Variants in DAB1 observed in about 807,000 individuals in gnomAD.
DAB1 encodes disabled homolog 1.
In DAB1, 15 loss-of-function variants were observed where a neutral mutation model predicts 64.6. The observed-to-expected ratio is 0.23, with a 90% confidence interval of 0.16 to 0.36. The LOEUF (loss-of-function observed/expected upper bound fraction) is 0.36, where lower values mean the gene tolerates loss of function less well. Ranked by LOEUF, DAB1 falls within the 10% of genes least tolerant of loss-of-function variation. DAB1 has a pLI of 1.00. For missense variants in DAB1, 596 were observed against 706.7 expected (o/e 0.84, Z 1.78); for synonymous variants, 235 against 251.9 (o/e 0.93, Z 0.64).
intron 6 of DAB1, among the ~76,000 whole-genome samples, chr1:57,817,103 G>A (rs1651889751): frequency 7.7e-6 from 1 of 130,088 alleles, no homozygotes; most frequent in South Asian, 2.4e-4. Context: ...CTTAACTTGT[G>A]GGGAAGACTG....
Position 57,835,680 on chromosome 1 carries a change from G to A in DAB1, n.88-9225C>T, listed in dbSNP as rs987094347. 1.2e-4 allele frequency among the ~76,000 whole-genome samples: 18 copies of A among 152,170 alleles called. 1 individual carries two copies. Among genetic ancestry groups the A allele is most frequent in the Admixed American group, 1.1e-3 (17 of 15,284 alleles). ...TACAGCCTGTGCAAACAAGGGAGAC[G>A]GTGCAGTGATAGATTGTGCCTAAGA... On this transcript the variant is annotated intron_variant and non_coding_transcript_variant, in intron 1 of 1. Coordinates refer to the DAB1 transcript ENST00000477280.
chr1:57,458,115 C>G (rs993684168), intron 7 of DAB1, among the ~76,000 whole-genome samples: 1 of 152,068 alleles, frequency 6.6e-6, no homozygotes, highest in Admixed American at 6.6e-5. Context: ...TCCAGTAATA[C>G]ATTTCATATG....
intron 6 of DAB1, among the ~76,000 whole-genome samples, chr1:57,665,524 C>T (rs1646435918): frequency 6.6e-6 from 1 of 152,050 alleles, no homozygotes; most frequent in Admixed American, 6.5e-5. Flanking sequence ...AGAGCAATCT[C>T]TAAATACAGA....
intron 7 of DAB1, among the ~76,000 whole-genome samples, chr1:57,459,928 T>C (rs927564909): frequency 6.6e-6 from 1 of 152,212 alleles, no homozygotes; most frequent in Non-Finnish European, 1.5e-5. Flanking sequence ...TCTCACTGTG[T>C]TGCTTAATAT....
At chr1:57,446,311 T>A (rs1408478607) in intron 7 of DAB1, among the ~76,000 whole-genome samples, 1 of 152,118 alleles carries the variant, frequency 6.6e-6, no homozygotes, top group African/African-American at 2.4e-5. Flanking sequence ...TATGACTAAA[T>A]TTTAGGCCAG....
chr1:57,969,691 C>T (rs902062915), intron 5 of DAB1, among the ~76,000 whole-genome samples: 6 of 152,158 alleles, frequency 3.9e-5, no homozygotes, highest in African/African-American at 1.2e-4. Context: ...TTGTAAGGTA[C>T]TTGAAACTAT....
At chr1:57,960,193 C>G (rs1378390166) in intron 5 of DAB1, among the ~76,000 whole-genome samples, 1 of 152,184 alleles carries the variant, frequency 6.6e-6, no homozygotes, top group African/African-American at 2.4e-5. Flanking sequence ...ACTGGAAAGG[C>G]AGTGGCCACG....
intron 4 of DAB1, among the ~76,000 whole-genome samples, chr1:57,116,895 G>A (rs980914631): frequency 4.6e-5 from 7 of 152,122 alleles, no homozygotes; most frequent in African/African-American, 1.7e-4. Flanking sequence ...TTATATCCTG[G>A]CATATATCTT....
intron 7 of DAB1, among the ~76,000 whole-genome samples, chr1:57,455,619 G>A (rs1686558606): frequency 6.6e-6 from 1 of 152,114 alleles, no homozygotes; most frequent in African/African-American, 2.4e-5. Context: ...GGCAAGAAAT[G>A]AAGACGTAAA....
chr1:57,295,632 C>T (rs1392037151), intron 1 of DAB1, among the ~76,000 whole-genome samples: 1 of 152,090 alleles, frequency 6.6e-6, no homozygotes, highest in Non-Finnish European at 1.5e-5. Flanking sequence ...CAATCTATAG[C>T]ATGCTACCTT....
intron 3 of DAB1, among the ~76,000 whole-genome samples, chr1:58,379,121 T>G (rs1644364230): frequency 6.6e-6 from 1 of 151,762 alleles, no homozygotes; most frequent in Non-Finnish European, 1.5e-5. Flanking sequence ...CAGATGGAAA[T>G]GCAGAAATCA....
At position 57,207,446 on chromosome 1, in the gene DAB1, C is replaced by CTTTTT. The variant is rs772989513; in HGVS notation, c.68-62022_68-62018dup. Among the ~76,000 whole-genome samples, 9 of 98,458 alleles carry CTTTTT rather than the reference C, an allele frequency of 9.1e-5. 1 individual carries two copies. Among genetic ancestry groups the CTTTTT allele is most frequent in the Non-Finnish European group, 1.1e-4 (5 of 46,430 alleles). The allele number at this position is 98,458 out of a possible 152,430, so 64.6% of individuals were successfully genotyped here. A position where few individuals can be genotyped will look rare whatever the true frequency, so the allele number is the denominator to read the frequency against. On this transcript the variant is annotated intron_variant, in intron 2 of 14. Transcript: ENST00000371236. ...CTGTAATTCATACCTTATTTCCTTT[C>CTTTTT]TTTTTTTTTTTTTTTGAGATGGAGT... is the stretch of plus-strand genomic sequence containing the variant.
intron 7 of DAB1, among the ~76,000 whole-genome samples, chr1:57,431,143 C>CACACAAA (rs749097562): frequency 1.4e-3 from 138 of 96,424 alleles, no homozygotes; most frequent in Non-Finnish European, 2.5e-3. Context: ...AGGCCAAAAA[C>CACACAAA]AAAAAAAAAA....
intron 7 of DAB1, among the ~76,000 whole-genome samples, chr1:57,600,108 T>TG (rs1645559050): frequency 6.6e-6 from 1 of 152,076 alleles, no homozygotes; most frequent in African/African-American, 2.4e-5. Flanking sequence ...TGTGCCCCCT[T>TG]AGTGATCCTA....
At chr1:58,142,409 T>C (rs985746593) in intron 5 of DAB1, among the ~76,000 whole-genome samples, 8 of 152,242 alleles carry the variant, frequency 5.3e-5, no homozygotes, top group African/African-American at 1.9e-4. Flanking sequence ...TTTAGGTTCC[T>C]GAAAGGGGAC....
intron 7 of DAB1, among the ~76,000 whole-genome samples, chr1:57,446,395 C>T (rs1045478070): frequency 1.3e-5 from 2 of 151,832 alleles, no homozygotes; most frequent in Non-Finnish European, 2.9e-5. Context: ...GTCGGGAGTT[C>T]GAGACCAGCC....
intron 5 of DAB1, among the ~76,000 whole-genome samples, chr1:57,981,661 C>T (rs915609396): frequency 1.3e-5 from 2 of 152,120 alleles, no homozygotes; most frequent in African/African-American, 4.8e-5. Flanking sequence ...TATCCTTGCC[C>T]AAATAGTATC....
intron 9 of DAB1, 79 bp downstream of exon 9, chr1:57,062,805 T>A: frequency 8.2e-7 from 1 of 1,219,448 alleles, no homozygotes; most frequent in South Asian, 1.3e-5. Flanking sequence ...AGGAGAAGGG[T>A]TTCCTTCCGC....
chr1:58,272,784 G>A (rs1037721030), intron 4 of DAB1, among the ~76,000 whole-genome samples: 1 of 151,868 alleles, frequency 6.6e-6, no homozygotes, highest in African/African-American at 2.4e-5. Flanking sequence ...TGTCTCTTTT[G>A]ATCTTTGTTG....
Sources: gnomAD v4.1 joint callset for allele counts (sites outside exome capture counted in the v4.1 genomes callset) on GRCh38, gnomAD v4.1.1 for gene constraint, MANE v1.5 for transcripts, NCBI Gene and HGNC (gene_info 2026-07-23, HGNC 2026-07-21) for gene names.